The following TIMELESS variants were observed in gnomAD, a reference collection of about 807,000 sequenced individuals.
TIMELESS encodes the protein protein timeless homolog.
In TIMELESS, 124 loss-of-function variants were observed where a neutral mutation model predicts 164.3. The ratio of observed to expected loss-of-function variants is 0.75; its 90% CI spans 0.65 to 0.88. The LOEUF (loss-of-function observed/expected upper bound fraction) is 0.88. Among genes scored for constraint, TIMELESS ranks in the 40% least tolerant of loss-of-function variants. TIMELESS has a pLI of 0.00. For missense variants in TIMELESS, 1,422 were observed against 1,491.4 expected (o/e 0.95, Z 0.77); for synonymous variants, 564 against 563.4 (o/e 1.00, Z -0.02).
In TIMELESS at chr12:56,422,929, T is replaced by C; in HGVS notation, c.2356A>G (p.Lys786Glu). ...KFFALAAVNQ[K>E]AFVELLFWKN... ...CAGAACAACAGCTCCACAAAGGCTT[T>C]TTGGTTGACTGCAGCCAGTGCAAAA... is the stretch of plus-strand genomic sequence containing the variant. Residue 786 changes from lysine to glutamate, a missense_variant, in exon 19 of 29, where the codon AAA becomes GAA. Physicochemically the swap from Lys to Glu is moderately conservative, Grantham distance 56. Coordinates refer to ENST00000553532, the MANE Select transcript of TIMELESS (RefSeq NM_003920.5). 6.2e-7 allele frequency: 1 copy of C among 1,613,934 alleles called. No individual in the cohort carries two copies. Among genetic ancestry groups the C allele is most frequent in the South Asian group, 1.1e-5 (1 of 91,062 alleles).
chr12:56,424,003 A>G, intron 15 of TIMELESS, 109 bp from the exon 16 acceptor site: 1 of 994,764 alleles, frequency 1.0e-6, no homozygotes, highest in East Asian at 2.6e-5. Flanking sequence ...GGCCAGAAAC[A>G]GAATGCAAAC....
chr12:56,435,776 G>A (rs1882049902), intron 1 of TIMELESS, among the ~76,000 whole-genome samples: 1 of 151,990 alleles, frequency 6.6e-6, no homozygotes, highest in Non-Finnish European at 1.5e-5. Flanking sequence ...TGGCTAACAC[G>A]GTGAAACCCC....
chr12:56,421,533 GAA>G (rs759346285), intron 22 of TIMELESS, 40 bp from the exon 23 acceptor site: 68 of 1,589,128 alleles, frequency 4.3e-5, no homozygotes, highest in South Asian at 1.1e-4. Flanking sequence ...GGGTAACAGG[GAA>G]AGAGATGAGT....
intron 1 of TIMELESS, among the ~76,000 whole-genome samples, chr12:56,446,123 T>G (rs1223916373): frequency 1.3e-5 from 2 of 152,168 alleles, no homozygotes; most frequent in African/African-American, 4.8e-5. Flanking sequence ...CGGGCTGGTC[T>G]TTAACTCCTG....
chr12:56,444,083 A>G (rs1320373376), intron 1 of TIMELESS, among the ~76,000 whole-genome samples: 1 of 151,946 alleles, frequency 6.6e-6, no homozygotes, highest in Non-Finnish European at 1.5e-5. Flanking sequence ...TTTTTAGTAG[A>G]GACATGGTTT....
intron 17 of TIMELESS, 36 bp downstream of exon 17, chr12:56,423,548 C>T: frequency 1.2e-6 from 2 of 1,612,900 alleles, no homozygotes; most frequent in Non-Finnish European, 1.7e-6. Context: ...CGCACAATCG[C>T]CACTCTAGGA....
In TIMELESS at chr12:56,421,770, C is replaced by T. The variant is rs753985275; in HGVS notation, c.2682G>A (p.Glu894=). The change falls in exon 22 of 29, where the codon GAG becomes GAA. Residue 894 remains glutamate, a synonymous_variant. Coordinates refer to ENST00000553532, the MANE Select transcript of TIMELESS (RefSeq NM_003920.5). ...THIVLWTGDQ[E]LELQRLFEEF... ...CCTCAAAAAGCCGCTGCAGCTCCAA[C>T]TCCTGATCCCCCGTCCACAGTACAA... The T allele has an allele frequency of 1.9e-6, 3 of 1,614,238 alleles. No individual in the cohort carries two copies. Among genetic ancestry groups the T allele is most frequent in the Non-Finnish European group, 2.5e-6 (3 of 1,180,044 alleles).
At position 56,428,274 on chromosome 12, in the gene TIMELESS, C is replaced by G; in HGVS notation, c.1540G>C (p.Glu514Gln). ...ETTHLFLKML[E>Q]RFCRSRGNLV... ...TTCCCACGGCTCCGACAGAATCGCT[C>G]CAACATTTTGAGGAAGAGGTGGGTG... The change falls in exon 13 of 29, where the codon GAG becomes CAG. Residue 514 changes from glutamate (E) to glutamine (Q), a missense_variant. Coordinates refer to ENST00000553532, the MANE Select transcript of TIMELESS (RefSeq NM_003920.5). The G allele has an allele frequency of 6.2e-7, 1 of 1,611,310 alleles. No individual in the cohort carries two copies. Among genetic ancestry groups the G allele is most frequent in the African/African-American group, 1.3e-5 (1 of 74,952 alleles).
rs1331083468 is a variant in TIMELESS at position 56,433,893 on chromosome 12, T to C, written c.131A>G (p.His44Arg). Residue 44 changes from histidine to arginine, a missense_variant, in exon 3 of 29, where the codon CAT (histidine) becomes CGT (arginine). Transcript: ENST00000553532. ...SVKDLIRYLR[H>R]EDETRDVRQQ... Reference sequence around the variant, plus strand: ...CCGCACATCTCGTGTCTCATCCTCATGCCTCAAATAGCGGATCAGATCCTT... The same window carrying C: ...CCGCACATCTCGTGTCTCATCCTCACGCCTCAAATAGCGGATCAGATCCTT... 5 of 1,614,160 alleles carry C rather than the reference T, an allele frequency of 3.1e-6. No individual in the cohort carries two copies. The highest frequency in any genetic ancestry group is 1.7e-6 in the Non-Finnish European group (2 of 1,180,020).
chr12:56,421,497 T>C lies in TIMELESS; in HGVS notation c.2726-4A>G, dbSNP rs2291738. 0.47 allele frequency: 758,156 copies of C among 1,604,318 alleles called. 185,658 individuals are homozygous for C. Among genetic ancestry groups the C allele is most frequent in the Non-Finnish European group, 0.5 (589,437 of 1,174,350 alleles). ...TTCATGATATGACCCAGGACATCTA[T>C]AAAAAGCAAGCATGTGAATACCCAA... On this transcript the variant is annotated splice_region_variant and splice_polypyrimidine_tract_variant and intron_variant, in intron 22 of 28. Transcript: ENST00000553532.
chr12:56,435,896 T>C (rs1256971190), intron 1 of TIMELESS, among the ~76,000 whole-genome samples: 1 of 150,628 alleles, frequency 6.6e-6, no homozygotes, highest in Non-Finnish European at 1.5e-5. Flanking sequence ...GAGGTGGAGC[T>C]TGCAGTGAGC....
intron 7 of TIMELESS, 114 bp from the exon 8 acceptor site, chr12:56,431,718 T>G: frequency 1.5e-6 from 2 of 1,332,920 alleles, no homozygotes; most frequent in Non-Finnish European, 2.0e-6. Flanking sequence ...TGGGGCATTG[T>G]GCTGTCGTTC....
At chr12:56,429,232 T>C in intron 10 of TIMELESS, 132 bp from the exon 11 acceptor site, 1 of 756,108 alleles carries the variant, frequency 1.3e-6, no homozygotes, top group South Asian at 1.9e-5. Context: ...GGAGTCTCAC[T>C]CTATTGCCCA....
chr12:56,430,268 CT>C lies in TIMELESS; in HGVS notation c.922del (p.Ser308ValfsTer31), dbSNP rs1592250101. The C allele has an allele frequency of 6.2e-7, 1 of 1,613,024 alleles. No individual in the cohort carries two copies. The highest frequency in any genetic ancestry group is 1.3e-5 in the African/African-American group (1 of 75,008). ...HKGLHNLRNY[S>X]SDLGKQPKKV... ...TTTCGGCTGCTTTCCCAAATCTGAA[CT>C]GTAGTTTCGTAGCTGGGTGTGTCGG... is the stretch of plus-strand genomic sequence containing the variant. On this transcript the variant is annotated frameshift_variant, in exon 10 of 29. Coordinates refer to ENST00000553532, the MANE Select transcript of TIMELESS (RefSeq NM_003920.5). LOFTEE classifies it high-confidence loss of function.
Position 56,446,061 on chromosome 12 carries a change from C to G in TIMELESS, c.-62+3249G>C, listed in dbSNP as rs1304155490. ...GCTGGGACTATAGGGTACATCACCA[C>G]ACCCTGCTAATTTTTGTATTTTTTC... is the stretch of plus-strand genomic sequence containing the variant. On this transcript the variant is annotated intron_variant, in intron 1 of 28. Coordinates refer to ENST00000553532, the MANE Select transcript of TIMELESS (RefSeq NM_003920.5). Among the ~76,000 whole-genome samples, 3 of 152,266 alleles carry G rather than the reference C, an allele frequency of 2.0e-5. No homozygotes were observed. In the East Asian group the frequency reaches 5.8e-4, roughly 29 times the overall value.
At chr12:56,429,653 C>T (rs1295591841) in intron 10 of TIMELESS, among the ~76,000 whole-genome samples, 1 of 147,270 alleles carries the variant, frequency 6.8e-6, no homozygotes, top group Non-Finnish European at 1.5e-5. Context: ...AAATGCACAC[C>T]ACCATGCCGG....
chr12:56,422,335 G>T, intron 19 of TIMELESS, 144 bp from the exon 20 acceptor site: 2 of 649,326 alleles, frequency 3.1e-6, no homozygotes, highest in Non-Finnish European at 5.3e-6. Context: ...CCTACAGTGT[G>T]CCTCCTTCCC....
intron 25 of TIMELESS, 21 bp from the exon 26 acceptor site, chr12:56,420,708 A>T: frequency 6.2e-7 from 1 of 1,613,926 alleles, no homozygotes. Flanking sequence ...GTCAATAGTC[A>T]TATGGTGAAG....
chr12:56,418,314 G>A lies in TIMELESS; in HGVS notation c.3274C>T (p.Arg1092Trp), dbSNP rs568039645. Residue 1092 changes from arginine (R) to tryptophan (W), a missense_variant, in exon 27 of 29, where the codon CGG becomes TGG. Arg to Trp is a moderately radical substitution (Grantham distance 101). Transcript: ENST00000553532. ...IPAKLSPTQLRRAAASLSQPE... is the reference protein window; with the variant it reads ...IPAKLSPTQLWRAAASLSQPE... ...TGACTCAAAGAAGCTGCTGCCCTCC[G>A]GAGCTGGGTAGGACTCAGCTTGGCT... is the stretch of plus-strand genomic sequence containing the variant. 2.1e-5 allele frequency: 34 copies of A among 1,613,996 alleles called. No individual in the cohort carries two copies. Among genetic ancestry groups the A allele is most frequent in the Non-Finnish European group, 2.4e-5 (28 of 1,180,000 alleles).
Sources: gnomAD v4.1 joint callset for allele counts (sites outside exome capture counted in the v4.1 genomes callset) on GRCh38, gnomAD v4.1.1 for gene constraint, MANE v1.5 for transcripts, NCBI Gene and HGNC (gene_info 2026-07-23, HGNC 2026-07-21) for gene names.